The following ROBO1 variants were observed in gnomAD, a reference collection of about 807,000 sequenced individuals.
ROBO1 encodes the protein roundabout guidance receptor 1, also known as roundabout homolog 1.
A neutral mutation model predicts 195.9 loss-of-function variants in ROBO1; 149 were observed. That is an observed-to-expected ratio of 0.76 (90% CI 0.67 to 0.87). The LOEUF (loss-of-function observed/expected upper bound fraction) is 0.87, where lower values mean the gene tolerates loss of function less well. Ranked by LOEUF, ROBO1 falls within the 40% of genes least tolerant of loss-of-function variation. ROBO1 has a pLI of 0.00. For synonymous variants in ROBO1, 816 were observed against 733.2 expected, an observed-to-expected ratio of 1.11 and a Z score of -1.82; for missense variants, 1,933 against 2,068.3, an observed-to-expected ratio of 0.93 and a Z score of 1.27.
intron 4 of ROBO1, among the ~76,000 whole-genome samples, chr3:78,786,172 TCC>T (rs2083828351): frequency 6.6e-6 from 1 of 152,206 alleles, no homozygotes; most frequent in Non-Finnish European, 1.5e-5. Flanking sequence ...TACACTTTTA[TCC>T]TTTTGAAAGT....
chr3:79,325,949 T>A (rs1008363757), intron 2 of ROBO1, among the ~76,000 whole-genome samples: 1 of 152,016 alleles, frequency 6.6e-6, no homozygotes, highest in Non-Finnish European at 1.5e-5. Flanking sequence ...GCAAGGAACA[T>A]CCCTGGGAAA....
chr3:78,748,425 TCAAATAAATAAA>T (rs1445043393), intron 4 of ROBO1, among the ~76,000 whole-genome samples: 1 of 136,652 alleles, frequency 7.3e-6, no homozygotes, highest in Non-Finnish European at 1.6e-5. Flanking sequence ...AGCCTCTGTC[TCAAATAAATAAA>T]TAAATAAATA....
intron 1 of ROBO1, among the ~76,000 whole-genome samples, chr3:79,607,491 C>T (rs1944525189): frequency 6.6e-6 from 1 of 151,468 alleles, no homozygotes; most frequent in South Asian, 2.1e-4. Flanking sequence ...AACATATTAA[C>T]ATTAAAGAGT....
intron 2 of ROBO1, among the ~76,000 whole-genome samples, chr3:79,173,371 G>A (rs113382750): frequency 1.3e-5 from 2 of 152,140 alleles, no homozygotes; most frequent in Non-Finnish European, 2.9e-5. Context: ...GGCTGCGCGC[G>A]GTGCTTGCAG....
intron 2 of ROBO1, among the ~76,000 whole-genome samples, chr3:79,568,294 C>A (rs928388924): frequency 6.6e-6 from 1 of 151,942 alleles, no homozygotes; most frequent in Non-Finnish European, 1.5e-5. Flanking sequence ...CTATAGAGTA[C>A]CCTTATAAAG....
intron 3 of ROBO1, among the ~76,000 whole-genome samples, chr3:79,045,388 T>G (rs2078572109): frequency 6.6e-6 from 1 of 152,060 alleles, no homozygotes; most frequent in African/African-American, 2.4e-5. Flanking sequence ...TGTGTTAGCT[T>G]CAAAATTATC....
chr3:78,799,900 C>T (rs1304797352), intron 4 of ROBO1, among the ~76,000 whole-genome samples: 2 of 152,112 alleles, frequency 1.3e-5, no homozygotes, highest in African/African-American at 4.8e-5. Flanking sequence ...CTCAAGGATT[C>T]ACCCTTATCA....
At chr3:79,208,804 G>C (rs2081919481) in intron 2 of ROBO1, among the ~76,000 whole-genome samples, 1 of 151,482 alleles carries the variant, frequency 6.6e-6, no homozygotes, top group South Asian at 2.1e-4. Context: ...TGTGAGAAAT[G>C]AGGTTTAGAG....
chr3:79,647,342 C>T (rs1056033877), intron 1 of ROBO1, among the ~76,000 whole-genome samples: 3 of 152,130 alleles, frequency 2.0e-5, no homozygotes, highest in Admixed American at 6.6e-5. Context: ...TATAAGTAGG[C>T]TTCCTATTAA....
intron 26 of ROBO1, among the ~76,000 whole-genome samples, chr3:78,622,913 A>G (rs983657248): frequency 6.6e-6 from 1 of 152,198 alleles, no homozygotes; most frequent in Non-Finnish European, 1.5e-5. Context: ...GAAGAAACTA[A>G]CTTGGAAGTA....
chr3:78,898,210 T>A (rs949889778), intron 4 of ROBO1, among the ~76,000 whole-genome samples: 2 of 150,024 alleles, frequency 1.3e-5, no homozygotes, highest in South Asian at 4.2e-4. Flanking sequence ...AATAAATTTA[T>A]AGTGCACTAT....
chr3:78,614,797 C>T lies in ROBO1; in HGVS notation c.4286G>A (p.Arg1429His), dbSNP rs181957931. ...ARRQMQDAAG[R>H]RHFHASQCPR... is the part of the protein sequence containing the mutation. ...GCACTGAGACGCATGAAAATGTCGA[C>T]GGCCTAAGGAGAAAAAAAAAAAAAA... is the stretch of plus-strand genomic sequence containing the variant. Residue 1429 changes from arginine (R) to histidine (H), a missense_variant, in exon 28 of 31, where the codon CGT (arginine) becomes CAT (histidine). Physicochemically the swap from Arg to His is conservative, Grantham distance 29. This residue lies in a region of ROBO1 where 1,737 missense variants were observed against 1,882.5 expected (regional missense o/e 0.92). Transcript: ENST00000464233. 6.4e-4 allele frequency: 1,016 copies of T among 1,581,024 alleles called. 3 individuals are homozygous for T. The African/African-American group carries it at 0.011, about 17-fold the overall frequency.
chr3:79,208,585 T>G (rs2081912844), intron 2 of ROBO1, among the ~76,000 whole-genome samples: 1 of 152,082 alleles, frequency 6.6e-6, no homozygotes, highest in South Asian at 2.1e-4. Context: ...AAGGATAGGA[T>G]AGCAGAGATG....
At chr3:79,404,788 T>C (rs1340893743) in intron 2 of ROBO1, among the ~76,000 whole-genome samples, 1 of 152,130 alleles carries the variant, frequency 6.6e-6, no homozygotes, top group Non-Finnish European at 1.5e-5. Context: ...ATTAAAAAAC[T>C]AGATTATAAT....
intron 3 of ROBO1, among the ~76,000 whole-genome samples, chr3:78,988,557 A>G (rs992452509): frequency 1.3e-5 from 2 of 152,286 alleles, no homozygotes; most frequent in Non-Finnish European, 2.9e-5. Context: ...GTCCAAGATA[A>G]TCATTGACAC....
intron 4 of ROBO1, among the ~76,000 whole-genome samples, chr3:78,863,845 TG>T (rs1320973110): frequency 6.6e-6 from 1 of 152,196 alleles, no homozygotes; most frequent in Non-Finnish European, 1.5e-5. Flanking sequence ...AAATCATTTT[TG>T]GTGAGTGCTA....
chr3:79,394,401 G>T (rs1469074948), intron 2 of ROBO1, among the ~76,000 whole-genome samples: 1 of 151,820 alleles, frequency 6.6e-6, no homozygotes, highest in African/African-American at 2.4e-5. Flanking sequence ...AAAGAATAAA[G>T]TAAATTGAAT....
intron 2 of ROBO1, among the ~76,000 whole-genome samples, chr3:79,246,445 T>C (rs977807820): frequency 6.6e-6 from 1 of 152,152 alleles, no homozygotes; most frequent in African/African-American, 2.4e-5. Context: ...GTTTTTATGC[T>C]GATGAATAGT....
chr3:78,755,590 T>C (rs1054394983), intron 4 of ROBO1, among the ~76,000 whole-genome samples: 1 of 152,130 alleles, frequency 6.6e-6, no homozygotes, highest in Non-Finnish European at 1.5e-5. Context: ...TTTGACACAA[T>C]AGTGACAGAT....
Sources: allele counts gnomAD v4.1 joint callset (sites outside exome capture counted in the v4.1 genomes callset), GRCh38; gene constraint gnomAD v4.1.1; regional missense constraint gnomAD v4.1.1; transcripts MANE v1.5; gene names NCBI Gene and HGNC (gene_info 2026-07-23, HGNC 2026-07-21).